TNR: variants seen among roughly 807,000 people sequenced by gnomAD.
TNR encodes the protein tenascin-R.
In TNR, 45 loss-of-function variants were observed where a neutral mutation model predicts 150.4. That is an observed-to-expected ratio of 0.30 (90% CI 0.24 to 0.38). The LOEUF (loss-of-function observed/expected upper bound fraction) is 0.38, where lower values mean the gene tolerates loss of function less well. Among genes scored for constraint, TNR ranks in the 10% least tolerant of loss-of-function variants. The pLI is 1.00. For missense variants in TNR, 1,544 were observed against 1,759.1 expected, an observed-to-expected ratio of 0.88 and a Z score of 2.19; for synonymous variants, 687 against 678.4, an observed-to-expected ratio of 1.01 and a Z score of -0.20.
At chr1:175,385,984 C>G in intron 8 of TNR, 48 bp downstream of exon 8, 1 of 1,522,104 alleles carries the variant, frequency 6.6e-7, no homozygotes, top group South Asian at 1.3e-5. Context: ...CCGGTTGGCT[C>G]CACCCCTCTT....
rs1651227310 is a variant in TNR at position 175,354,536 on chromosome 1, C to T, written c.3250-13G>A. 6.2e-7 allele frequency: 1 copy of T among 1,613,538 alleles called. No individual in the cohort carries two copies. Among genetic ancestry groups the T allele is most frequent in the Admixed American group, 1.7e-5 (1 of 59,950 alleles). On this transcript the variant is annotated splice_polypyrimidine_tract_variant and intron_variant, in intron 17 of 22. Transcript: ENST00000367674. ...CCACAATCAGCTCCTGTATAATGAG[C>T]CAAAGGAAGGGTGGTGGAAGGGAGC...
At chr1:175,642,206 G>T (rs957577475) in intron 1 of TNR, among the ~76,000 whole-genome samples, 1 of 152,134 alleles carries the variant, frequency 6.6e-6, no homozygotes, top group Non-Finnish European at 1.5e-5. Context: ...CAGTCCACAA[G>T]GGATAACCAG....
At chr1:175,691,503 G>A (rs1340672331) in intron 1 of TNR, among the ~76,000 whole-genome samples, 3 of 152,116 alleles carry the variant, frequency 2.0e-5, no homozygotes, top group African/African-American at 4.8e-5. Context: ...CTACTCAAAA[G>A]TGAAATCTCT....
intron 2 of TNR, among the ~76,000 whole-genome samples, chr1:175,500,989 C>T (rs1658709979): frequency 6.6e-6 from 1 of 152,170 alleles, no homozygotes; most frequent in Admixed American, 6.5e-5. Context: ...TTTCCATCCC[C>T]TGGTATACAT....
At chr1:175,331,571 C>G (rs903188214) in intron 20 of TNR, among the ~76,000 whole-genome samples, 1 of 152,086 alleles carries the variant, frequency 6.6e-6, no homozygotes, top group African/African-American at 2.4e-5. Flanking sequence ...CCGATATTTT[C>G]TTATATACAT....
intron 1 of TNR, among the ~76,000 whole-genome samples, chr1:175,532,143 T>C (rs1020440866): frequency 6.6e-6 from 1 of 152,226 alleles, no homozygotes; most frequent in African/African-American, 2.4e-5. Flanking sequence ...AAGGTTTTGG[T>C]TGATGTACTG....
intron 7 of TNR, among the ~76,000 whole-genome samples, chr1:175,386,611 C>T (rs992429622): frequency 6.7e-6 from 1 of 150,366 alleles, no homozygotes; most frequent in Non-Finnish European, 1.5e-5. Flanking sequence ...AGCCCTGTTT[C>T]TTTCTGGAGG....
At chr1:175,690,345 G>T (rs1210524009) in intron 1 of TNR, among the ~76,000 whole-genome samples, 2 of 152,212 alleles carry the variant, frequency 1.3e-5, no homozygotes, top group African/African-American at 2.4e-5. Context: ...ATATGATCTG[G>T]TGACAAGTGT....
chr1:175,570,789 T>C (rs926907704), intron 1 of TNR, among the ~76,000 whole-genome samples: 4 of 152,092 alleles, frequency 2.6e-5, no homozygotes, highest in African/African-American at 9.7e-5. Context: ...CCAGACTCCA[T>C]TGCAAAAAAC....
chr1:175,331,065 C>CT (rs746341005), intron 20 of TNR, among the ~76,000 whole-genome samples: 1 of 129,800 alleles, frequency 7.7e-6, no homozygotes, highest in African/African-American at 3.1e-5. Context: ...TTCTTTCTTT[C>CT]TTTCTTTCTT....
At chr1:175,703,058 T>TA (rs11320291) in intron 1 of TNR, among the ~76,000 whole-genome samples, 8,997 of 143,782 alleles carry the variant, frequency 0.063, 386 homozygotes, top group African/African-American at 0.12. Flanking sequence ...AGGAAAGAAG[T>TA]AAAAAAAAAA....
chr1:175,465,261 G>A (rs941490286), intron 2 of TNR, among the ~76,000 whole-genome samples: 1 of 152,154 alleles, frequency 6.6e-6, no homozygotes, highest in African/African-American at 2.4e-5. Flanking sequence ...ATCAAATGGG[G>A]ATAATGATGC....
intron 1 of TNR, among the ~76,000 whole-genome samples, chr1:175,720,362 A>G (rs1667265731): frequency 6.6e-6 from 1 of 152,158 alleles, no homozygotes; most frequent in Non-Finnish European, 1.5e-5. Flanking sequence ...CAGAATCTTA[A>G]TCTTGAACAT....
At chr1:175,458,766 C>T (rs959614095) in intron 2 of TNR, among the ~76,000 whole-genome samples, 2 of 152,184 alleles carry the variant, frequency 1.3e-5, no homozygotes, top group Non-Finnish European at 2.9e-5. Flanking sequence ...AAAGTGCTTT[C>T]TTTAAAAAGA....
intron 1 of TNR, among the ~76,000 whole-genome samples, chr1:175,720,607 T>C (rs556637770): frequency 2.6e-5 from 4 of 152,344 alleles, no homozygotes; most frequent in East Asian, 1.9e-4. Context: ...TATGAACTAT[T>C]TTAAAAGGCA....
chr1:175,709,308 TAC>T (rs371591261), intron 1 of TNR, among the ~76,000 whole-genome samples: 1,773 of 126,990 alleles, frequency 0.014, 11 homozygotes, highest in African/African-American at 0.023. Flanking sequence ...CACACACACA[TAC>T]ACACACACAC....
rs182987259 is a variant in TNR, at chr1:175,382,673, G to A, written c.1778-2936C>T. Among the ~76,000 whole-genome samples, 20 of 152,264 alleles carry A rather than the reference G, an allele frequency of 1.3e-4. No homozygotes were observed. The East Asian group carries it at 3.1e-3, about 24-fold the overall frequency. The stretch of plus-strand genomic sequence containing the variant: ...TCCCAGCACACAGGGAGGCCGAGGC[G>A]GGCAGATCATGAGGTCAGGAGATCG... On this transcript the variant is annotated intron_variant, in intron 8 of 22. Transcript: ENST00000367674.
chr1:175,393,689 G>T, intron 6 of TNR, 91 bp downstream of exon 6: 1 of 988,934 alleles, frequency 1.0e-6, no homozygotes, highest in Non-Finnish European at 1.6e-6. Flanking sequence ...GAGAGATATT[G>T]GGTAGCACTT....
chr1:175,670,221 G>T (rs1665654977), intron 1 of TNR, among the ~76,000 whole-genome samples: 1 of 152,154 alleles, frequency 6.6e-6, no homozygotes, highest in South Asian at 2.1e-4. Context: ...AGGGGCACGA[G>T]GCTGGTTACT....
Sources: gnomAD v4.1 joint callset for allele counts (sites outside exome capture counted in the v4.1 genomes callset) on GRCh38, gnomAD v4.1.1 for gene constraint, MANE v1.5 for transcripts, NCBI Gene and HGNC (gene_info 2026-07-23, HGNC 2026-07-21) for gene names.